Variants in PPL observed in about 807,000 individuals in gnomAD.
PPL encodes the protein 190 kDa paraneoplastic pemphigus antigen.
PPL carries 198 observed loss-of-function variants against 194.4 expected under a neutral mutation model. The observed-to-expected ratio is 1.02, with a 90% CI of 0.91 to 1.15. PPL has a LOEUF of 1.15. PPL is among the 50% of genes most tolerant of loss of function. The probability of loss-of-function intolerance (pLI) is 0.00; values close to 1 mark genes in which losing one functional copy is unlikely to be tolerated. For synonymous variants in PPL, 1,220 were observed against 972.4 expected, an observed-to-expected ratio of 1.25 and a Z score of -4.74; for missense variants, 2,885 against 2,294.8, an observed-to-expected ratio of 1.26 and a Z score of -5.25.
At position 4,885,278 on chromosome 16, in the gene PPL, G is replaced by C. The variant is rs771362232; in HGVS notation, c.3377C>G (p.Thr1126Ser). Reference sequence around the variant, plus strand: ...GGTGAGATCGCTGACCTCCCTCTCGGTGGCCGCGTCCTTCTCCACCTTGAG... The same window carrying C: ...GGTGAGATCGCTGACCTCCCTCTCGCTGGCCGCGTCCTTCTCCACCTTGAG... ...EVLKVEKDAA[T>S]EREVSDLTRQ... The change falls in exon 22 of 22, where the codon ACC becomes AGC. Residue 1126 changes from threonine (T) to serine (S), a missense_variant. Transcript: ENST00000345988. This position sits in a 1 kb window ranked among gnomAD's most constrained non-coding sequence, Gnocchi z 6.3. 6.2e-7 allele frequency: 1 copy of C among 1,611,650 alleles called. No individual in the cohort carries two copies. Among genetic ancestry groups the C allele is most frequent in the African/African-American group, 1.3e-5 (1 of 74,834 alleles).
intron 3 of PPL, 94 bp downstream of exon 3, chr16:4,903,792 C>A: frequency 1.3e-6 from 2 of 1,483,916 alleles, no homozygotes; most frequent in Admixed American, 1.8e-5. Flanking sequence ...CCTTGATAAC[C>A]CCTGACTCGG....
At position 4,937,049 on chromosome 16, in the gene PPL, G is replaced by T. The variant is rs376539573; in HGVS notation, c.-4C>A. ...TCTTCCTGAAGAGCGAGTTCATGGT[G>T]GCGCTCGGGGTGCGGGCGGCGGCGG... On this transcript the variant is annotated 5_prime_UTR_variant, in exon 1 of 22. Transcript: ENST00000345988. 7.7e-4 allele frequency: 1,114 copies of T among 1,455,432 alleles called. 9 individuals are homozygous for T. Among genetic ancestry groups the T allele is most frequent in the Middle Eastern group, 4.2e-3 (23 of 5,486 alleles). The allele number at this position is 1,455,432 out of a possible 1,614,324, so 90.2% of individuals were successfully genotyped here. A position where few individuals can be genotyped will look rare whatever the true frequency, so the allele number is the denominator to read the frequency against.
rs376720448 is a variant in PPL at position 4,907,599 on chromosome 16, G to T, written c.162+3251C>A. Among the ~76,000 whole-genome samples, 15 of 152,046 alleles carry T rather than the reference G, an allele frequency of 9.9e-5. No individual in the cohort carries two copies. The East Asian group carries it at 2.1e-3, about 21-fold the overall frequency. On this transcript the variant is annotated intron_variant, in intron 2 of 21. Coordinates refer to ENST00000345988, the MANE Select transcript of PPL (RefSeq NM_002705.5). ...GTTAAGGGTGTGGGGTTTGGCTCTG[G>T]GGTAAGGGAAATGTTTGGGAACTAG...
intron 1 of PPL, among the ~76,000 whole-genome samples, chr16:4,920,363 G>GAAAT (rs1372245946): frequency 1.4e-5 from 1 of 72,090 alleles, no homozygotes. Flanking sequence ...AAGAAAGAAA[G>GAAAT]AAAGAAAGGA....
rs1424044175 is a variant in PPL, at chr16:4,901,730, A to C, written c.439-641T>G. 7.9e-5 allele frequency among the ~76,000 whole-genome samples: 12 copies of C among 151,472 alleles called. No homozygotes were observed. In the South Asian group the frequency reaches 2.5e-3, roughly 32 times the overall value. ...ATAAATAATAAAACTGGGGAAGCTC[A>C]GGAGTTTGAGACCAGCCTGGCCAAT... On this transcript the variant is annotated intron_variant, in intron 4 of 21. Coordinates refer to ENST00000345988, the MANE Select transcript of PPL (RefSeq NM_002705.5).
rs762022043 is a variant in PPL, at chr16:4,892,061, C to A, written c.1803G>T (p.Leu601=). The A allele has an allele frequency of 3.7e-6, 6 of 1,613,760 alleles. No homozygotes were observed. In the South Asian group the frequency reaches 6.6e-5, roughly 18 times the overall value. Residue 601 remains leucine, a synonymous_variant, in exon 15 of 22, where the codon CTG becomes CTT. Coordinates refer to ENST00000345988, the MANE Select transcript of PPL (RefSeq NM_002705.5). ...EDTNRKYEHL[L]QLLDLAQEKV... is the part of the protein sequence containing the mutation. The stretch of plus-strand genomic sequence containing the variant: ...TCTCCTGGGCCAAGTCCAGCAGCTG[C>A]AGGAGGTGCTCGTATTTCCGGTTGG...
At chr16:4,907,308 TCACACACACACACACACACACACACA>T (rs56210938) in intron 2 of PPL, among the ~76,000 whole-genome samples, 15 of 145,636 alleles carry the variant, frequency 1.0e-4, no homozygotes, top group African/African-American at 2.3e-4. Flanking sequence ...ATATCTAATC[TCACACACACACACACACACACACACA>T]CACACACACA....
At chr16:4,920,573 C>G (rs2089029923) in intron 1 of PPL, among the ~76,000 whole-genome samples, 1 of 152,284 alleles carries the variant, frequency 6.6e-6, no homozygotes, top group South Asian at 2.1e-4. Context: ...AGTGATTCTA[C>G]TGCCTCAGCC....
intron 14 of PPL, 114 bp downstream of exon 14, chr16:4,893,095 TGACA>T (rs756096288): frequency 1.4e-4 from 184 of 1,305,974 alleles, no homozygotes; most frequent in South Asian, 4.7e-4. Context: ...AGGCTGTCCC[TGACA>T]GACAGCTGCA....
intron 1 of PPL, among the ~76,000 whole-genome samples, chr16:4,922,519 G>A (rs1281914981): frequency 5.3e-5 from 8 of 152,238 alleles, no homozygotes; most frequent in East Asian, 3.9e-4. Context: ...AAAATTAGCC[G>A]GGAATGGTGG....
At chr16:4,910,710 G>A in intron 2 of PPL, 140 bp downstream of exon 2, 1 of 753,532 alleles carries the variant, frequency 1.3e-6, no homozygotes, top group Non-Finnish European at 2.3e-6. Context: ...TCCAAGCAGT[G>A]ACAACCAAAA....
intron 2 of PPL, among the ~76,000 whole-genome samples, chr16:4,906,948 T>C (rs11076859): frequency 6.6e-6 from 1 of 152,136 alleles, no homozygotes; most frequent in African/African-American, 2.4e-5. Context: ...TAAAAAAGTT[T>C]TTTAAAGTCA....
At chr16:4,913,402 C>T (rs559008276) in intron 1 of PPL, among the ~76,000 whole-genome samples, 2 of 152,274 alleles carry the variant, frequency 1.3e-5, no homozygotes, top group South Asian at 4.1e-4. Flanking sequence ...AGTCCTTTCC[C>T]GGGGCCAGGG....
chr16:4,900,775 A>G, intron 6 of PPL, 55 bp downstream of exon 6: 1 of 1,610,918 alleles, frequency 6.2e-7, no homozygotes, highest in Non-Finnish European at 8.5e-7. Flanking sequence ...CCCCGACTCC[A>G]AGCTTCCCAT....
chr16:4,923,864 T>G (rs1206692912), intron 1 of PPL, among the ~76,000 whole-genome samples: 1 of 152,048 alleles, frequency 6.6e-6, no homozygotes, highest in African/African-American at 2.4e-5. Flanking sequence ...TCCGTGTCAC[T>G]GGTGGGGGCC....
At position 4,885,516 on chromosome 16, in the gene PPL, G is replaced by T. The variant is rs200407505; in HGVS notation, c.3139C>A (p.Arg1047=). 1.8e-5 allele frequency: 29 copies of T among 1,610,990 alleles called. No homozygotes were observed. The highest frequency in any genetic ancestry group is 2.5e-5 in the Non-Finnish European group (29 of 1,179,964). Residue 1047 remains arginine (R), a synonymous_variant, in exon 22 of 22, where the codon CGG becomes AGG. Coordinates refer to ENST00000345988, the MANE Select transcript of PPL (RefSeq NM_002705.5). The surrounding 1 kb of genome is among the most constrained non-coding windows in gnomAD (Gnocchi z 6.3). Reference sequence around the variant, plus strand: ...TTCTCTGTGACCTTCTCCTGCGCCCGGCTCTTCTCTTCAGCCAGGGCGGCC... The same window carrying T: ...TTCTCTGTGACCTTCTCCTGCGCCCTGCTCTTCTCTTCAGCCAGGGCGGCC... ...RVAALAEEKS[R]AQEKVTEKEV...
intron 14 of PPL, among the ~76,000 whole-genome samples, 196 bp from the exon 15 acceptor site, chr16:4,892,409 C>T (rs941722116): frequency 2.0e-5 from 3 of 152,226 alleles, no homozygotes; most frequent in South Asian, 2.1e-4. Flanking sequence ...CCCAGGGAAC[C>T]GCTGAGGTGG....
intron 2 of PPL, among the ~76,000 whole-genome samples, chr16:4,905,831 A>G (rs1348648790): frequency 6.6e-6 from 1 of 152,218 alleles, no homozygotes; most frequent in Non-Finnish European, 1.5e-5. Flanking sequence ...GAGGCCAGGC[A>G]CAGTGGCTCA....
In PPL at chr16:4,891,922, C is replaced by T. The variant is rs1337162353; in HGVS notation, c.1857G>A (p.Lys619=). The change falls in exon 16 of 22, where the codon AAG becomes AAA. Residue 619 remains lysine, a synonymous_variant. Coordinates refer to ENST00000345988, the MANE Select transcript of PPL (RefSeq NM_002705.5). ...EKVDVANRLE[K]SLQQSWELLA... The stretch of plus-strand genomic sequence containing the variant: ...GCAACTCCCAGCTCTGCTGCAGGCT[C>T]TTCTCCAGGCGGTTGGCCACATCAA... The T allele has an allele frequency of 2.5e-6, 4 of 1,613,490 alleles. 1 individual carries two copies. The South Asian group carries it at 3.3e-5, about 13-fold the overall frequency.
Sources: gnomAD v4.1 joint callset for allele counts (sites outside exome capture counted in the v4.1 genomes callset) on GRCh38, gnomAD v4.1.1 for gene constraint, Gnocchi (gnomAD v3.1) non-coding constraint, MANE v1.5 for transcripts, NCBI Gene and HGNC (gene_info 2026-07-23, HGNC 2026-07-21) for gene names.